Variants in KIAA0232 observed in about 807,000 individuals in gnomAD.
KIAA0232 encodes the protein KIAA0232, also known as uncharacterized protein KIAA0232.
Under a neutral mutation model 122.0 loss-of-function variants are expected in KIAA0232, and 27 were observed. That is an observed-to-expected ratio of 0.22 (90% CI 0.16 to 0.31). The LOEUF (loss-of-function observed/expected upper bound fraction) is 0.31. Ranked by LOEUF, KIAA0232 falls within the 10% of genes least tolerant of loss-of-function variation. The probability of loss-of-function intolerance (pLI) is 1.00; values close to 1 mark genes in which losing one functional copy is unlikely to be tolerated. For synonymous variants in KIAA0232, 613 were observed against 587.6 expected, an observed-to-expected ratio of 1.04 and a Z score of -0.63; for missense variants, 1,551 against 1,634.2, an observed-to-expected ratio of 0.95 and a Z score of 0.88.
At chr4:6,788,458 T>C (rs1396780533) in intron 1 of KIAA0232, among the ~76,000 whole-genome samples, 1 of 152,262 alleles carries the variant, frequency 6.6e-6, no homozygotes, top group Non-Finnish European at 1.5e-5. Flanking sequence ...GCTACTTCTA[T>C]TTCTGTAACC....
chr4:6,864,860 TCTAA>T (rs1018731665), intron 7 of KIAA0232, among the ~76,000 whole-genome samples: 8 of 152,132 alleles, frequency 5.3e-5, no homozygotes, highest in African/African-American at 1.9e-4. Context: ...AGCAAACCTG[TCTAA>T]CTGACTCTTA....
At chr4:6,803,207 A>G (rs1464514514) in intron 1 of KIAA0232, among the ~76,000 whole-genome samples, 2 of 51,428 alleles carry the variant, frequency 3.9e-5, no homozygotes, top group African/African-American at 7.9e-5. Context: ...ATGAGTGCAT[A>G]TATATATATA....
Position 6,879,999 on chromosome 4 carries a change from GGTCTGT to G in KIAA0232, c.4009-787_4009-782del, listed in dbSNP as rs1721986075. Among the ~76,000 whole-genome samples, 2 of 61,590 alleles carry G rather than the reference GGTCTGT, an allele frequency of 3.2e-5. 1 individual carries two copies. The highest frequency in any genetic ancestry group is 6.7e-5 in the Non-Finnish European group (2 of 29,844). 40.4% of individuals were successfully genotyped at this position (61,590 alleles called of 152,430 possible). ...CTGCAAACTCCCTTCCCAACACACA[GGTCTGT>G]AGTGTCGCCTCACCATCTGTACTGT... On this transcript the variant is annotated intron_variant, in intron 9 of 9. Coordinates refer to ENST00000307659, the MANE Select transcript of KIAA0232 (RefSeq NM_014743.3).
rs1721028333 is a variant in KIAA0232, at chr4:6,863,912, C to G, written c.3530C>G (p.Pro1177Arg). The change falls in exon 7 of 10, where the codon CCC becomes CGC. Residue 1177 changes from proline (P) to arginine (R), a missense_variant. Around this residue, in one of 5 missense-constraint regions of KIAA0232, gnomAD observed 1,108 missense variants for 1,154.8 expected, o/e 0.96. Coordinates refer to ENST00000307659, the MANE Select transcript of KIAA0232 (RefSeq NM_014743.3). ...GAGCTTGAGTCTGGAAAATTCCTTC[C>G]CAGGTTAAAAAAATCTGGGATGGAA... ...KSELESGKFL[P>R]RLKKSGMEKS... 6.2e-7 allele frequency: 1 copy of G among 1,613,914 alleles called. No individual in the cohort carries two copies. The highest frequency in any genetic ancestry group is 8.5e-7 in the Non-Finnish European group (1 of 1,179,988).
chr4:6,812,119 A>G (rs561448623), intron 2 of KIAA0232, among the ~76,000 whole-genome samples: 1 of 152,292 alleles, frequency 6.6e-6, no homozygotes, highest in South Asian at 2.1e-4. Context: ...TCTTCCAGGT[A>G]GTGTCTTGGA....
At chr4:6,836,385 A>G (rs1719271360) in intron 3 of KIAA0232, among the ~76,000 whole-genome samples, 1 of 150,740 alleles carries the variant, frequency 6.6e-6, no homozygotes. Context: ...GAAAATTAGA[A>G]TACACAGTTT....
At position 6,810,179 on chromosome 4, in the gene KIAA0232, A is replaced by G. The variant is rs550655748; in HGVS notation, c.-270+5573A>G. Among the ~76,000 whole-genome samples, 10 of 152,346 alleles carry G rather than the reference A, an allele frequency of 6.6e-5. No homozygotes were observed. In the East Asian group the frequency reaches 1.9e-3, roughly 29 times the overall value. On this transcript the variant is annotated intron_variant, in intron 2 of 9. Coordinates refer to ENST00000307659, the MANE Select transcript of KIAA0232 (RefSeq NM_014743.3). ...ATCACATTACCTGACTTCAAATTAT[A>G]TTACAAGGGTATAGTAACCGAAACA... is the stretch of plus-strand genomic sequence containing the variant.
intron 3 of KIAA0232, among the ~76,000 whole-genome samples, chr4:6,836,851 G>A (rs1719314147): frequency 6.6e-6 from 1 of 152,156 alleles, no homozygotes; most frequent in African/African-American, 2.4e-5. Context: ...GTTTCAGAGA[G>A]CACGGGGTTG....
At position 6,862,177 on chromosome 4, in the gene KIAA0232, G is replaced by A. The variant is rs371104885; in HGVS notation, c.1795G>A (p.Gly599Ser). 4 of 1,614,114 alleles carry A rather than the reference G, an allele frequency of 2.5e-6. No individual in the cohort carries two copies. The highest frequency in any genetic ancestry group is 1.3e-5 in the African/African-American group (1 of 75,016). ...TTGGGAGTGCTGTTCATCCAGCTCC[G>A]GTGATGCTGATGGGGAGAGTTTTGG... The part of the protein sequence containing the change: ...QFWECCSSSS[G>S]DADGESFGGD... Residue 599 changes from glycine to serine, a missense_variant, in exon 7 of 10, where the codon GGT becomes AGT. By Grantham distance (56) the Gly-to-Ser change is moderately conservative. Around this residue, in one of 5 missense-constraint regions of KIAA0232, gnomAD observed 1,108 missense variants for 1,154.8 expected, o/e 0.96. Transcript: ENST00000307659.
At chr4:6,807,126 C>CAAG (rs1422797617) in intron 2 of KIAA0232, among the ~76,000 whole-genome samples, 1 of 151,944 alleles carries the variant, frequency 6.6e-6, no homozygotes, top group African/African-American at 2.4e-5. Context: ...CCCTGTACGC[C>CAAG]TGGGCTCAAG....
chr4:6,816,582 T>G (rs930526834), intron 2 of KIAA0232, among the ~76,000 whole-genome samples: 4 of 152,172 alleles, frequency 2.6e-5, no homozygotes, highest in African/African-American at 7.2e-5. Context: ...TCGCTCAGCC[T>G]GTTTCTTGTA....
At chr4:6,847,122 G>A (rs1720006886) in intron 4 of KIAA0232, among the ~76,000 whole-genome samples, 1 of 152,106 alleles carries the variant, frequency 6.6e-6, no homozygotes, top group Non-Finnish European at 1.5e-5. Flanking sequence ...TACTGGTGAT[G>A]TTATGCATTA....
At chr4:6,871,438 A>G in intron 7 of KIAA0232, 136 bp from the exon 8 acceptor site, 1 of 578,648 alleles carries the variant, frequency 1.7e-6, no homozygotes, top group Non-Finnish European at 3.0e-6. Flanking sequence ...TATCTCAAAA[A>G]GAAAGAAAGA....
chr4:6,855,832 G>T lies in KIAA0232; in HGVS notation c.370-1332G>T. 4 of 985,306 alleles carry T rather than the reference G, an allele frequency of 4.1e-6. No individual in the cohort carries two copies. Among genetic ancestry groups the T allele is most frequent in the Non-Finnish European group, 3.6e-6 (3 of 829,826 alleles). The allele number at this position is 985,306 out of a possible 1,614,324, so 61.0% of individuals were successfully genotyped here. Reference sequence around the variant, plus strand: ...GTATGCAGTGTGTCAGCTGACACTGGTGTTGGTTTCACGATCCGAAGGAAA... The same window carrying T: ...GTATGCAGTGTGTCAGCTGACACTGTTGTTGGTTTCACGATCCGAAGGAAA... On this transcript the variant is annotated intron_variant, in intron 4 of 9. Transcript: ENST00000307659. The surrounding 1 kb of genome is among the most constrained non-coding windows in gnomAD (Gnocchi z 4.3).
chr4:6,808,806 C>T (rs1401263273), intron 2 of KIAA0232, among the ~76,000 whole-genome samples: 1 of 152,122 alleles, frequency 6.6e-6, no homozygotes, highest in Non-Finnish European at 1.5e-5. Context: ...AATTTATTCT[C>T]CTCCATTTAG....
intron 1 of KIAA0232, among the ~76,000 whole-genome samples, chr4:6,793,471 G>A (rs148322838): frequency 1.7e-3 from 261 of 152,308 alleles, no homozygotes; most frequent in African/African-American, 5.6e-3. Context: ...AAGCTTTAGC[G>A]AAACAGCCTA....
intron 2 of KIAA0232, among the ~76,000 whole-genome samples, chr4:6,819,399 A>T (rs994463885): frequency 2.6e-5 from 4 of 152,170 alleles, no homozygotes; most frequent in Admixed American, 2.6e-4. Flanking sequence ...TGGAAACTTA[A>T]ACAGTTCAAC....
intron 4 of KIAA0232, among the ~76,000 whole-genome samples, chr4:6,845,821 G>A (rs558268770): frequency 1.1e-4 from 17 of 152,244 alleles, no homozygotes; most frequent in Admixed American, 1.3e-4. Context: ...AAGATGAAGG[G>A]TATAAAAACC....
In KIAA0232 at chr4:6,861,255, C is replaced by T. The variant is rs1720841062; in HGVS notation, c.873C>T (p.Gly291=). 2 of 1,614,112 alleles carry T rather than the reference C, an allele frequency of 1.2e-6. No homozygotes were observed. The highest frequency in any genetic ancestry group is 1.7e-6 in the Non-Finnish European group (2 of 1,180,040). The part of the protein sequence containing the change: ...GKIRPRSWSS[G]SSEAGSSSSG... ...TTCGCCCTCGCTCGTGGTCTTCTGG[C>T]TCCAGTGAAGCAGGCTCAAGTTCCA... Residue 291 remains glycine (G), a synonymous_variant, in exon 7 of 10, where the codon GGC becomes GGT. Transcript: ENST00000307659.
Sources: gnomAD v4.1 joint callset for allele counts (sites outside exome capture counted in the v4.1 genomes callset) on GRCh38, gnomAD v4.1.1 for gene constraint, gnomAD v4.1.1 regional missense constraint, Gnocchi (gnomAD v3.1) non-coding constraint, MANE v1.5 for transcripts, NCBI Gene and HGNC (gene_info 2026-07-23, HGNC 2026-07-21) for gene names.